The following PPP2R5A variants were observed in gnomAD, a reference collection of about 807,000 sequenced individuals.
The protein encoded by PPP2R5A is serine/threonine-protein phosphatase 2A 56 kDa regulatory subunit alpha isoform.
A neutral mutation model predicts 64.2 loss-of-function variants in PPP2R5A; 25 were observed. The ratio of observed to expected loss-of-function variants is 0.39; its 90% CI spans 0.28 to 0.54. The LOEUF is 0.54. PPP2R5A is among the 20% of genes least tolerant of loss of function. The pLI is 0.67. For missense variants in PPP2R5A, 425 were observed against 576.3 expected (o/e 0.74, Z 2.69); for synonymous variants, 198 against 201.2 (o/e 0.98, Z 0.13).
intron 1 of PPP2R5A, among the ~76,000 whole-genome samples, chr1:212,327,027 T>C (rs12140158): frequency 0.15 from 23,493 of 152,202 alleles, 2,510 homozygotes; most frequent in East Asian, 0.37. Flanking sequence ...TCAGCTTTTT[T>C]AAGGACAGCA....
chr1:212,358,829 TGTTA>T (rs1660030424), intron 12 of PPP2R5A, 42 bp downstream of exon 12: 2 of 1,503,868 alleles, frequency 1.3e-6, no homozygotes, highest in Non-Finnish European at 1.8e-6. Context: ...ATACATTTTA[TGTTA>T]GTTGAATGTG....
intron 1 of PPP2R5A, among the ~76,000 whole-genome samples, chr1:212,305,786 A>G (rs939075063): frequency 2.0e-5 from 3 of 152,124 alleles, no homozygotes; most frequent in African/African-American, 4.8e-5. Context: ...TGACCCTTCT[A>G]TCATTACAAA....
rs1032923794 is a variant in PPP2R5A at position 212,305,552 on chromosome 1, C to T, written c.181+19261C>T. 6.6e-5 allele frequency among the ~76,000 whole-genome samples: 10 copies of T among 152,062 alleles called. No individual in the cohort carries two copies. The Middle Eastern group carries it at 0.01, about 155-fold the overall frequency. On this transcript the variant is annotated intron_variant, in intron 1 of 12. Transcript: ENST00000261461. The stretch of plus-strand genomic sequence containing the variant: ...AAATTCTGTAGTGTTCCATAGACAC[C>T]TCTTAGGTGTGGTTGGTTTATGTGT...
chr1:212,331,184 AAG>A (rs1659498398), intron 2 of PPP2R5A, among the ~76,000 whole-genome samples: 4 of 150,724 alleles, frequency 2.7e-5, no homozygotes, highest in South Asian at 2.1e-4. Context: ...AAAAAAAAAA[AAG>A]AGAGTGTCTC....
chr1:212,306,111 C>T (rs1050640835), intron 1 of PPP2R5A, among the ~76,000 whole-genome samples: 17 of 152,068 alleles, frequency 1.1e-4, no homozygotes, highest in East Asian at 1.9e-4. Flanking sequence ...CCCCATTGGC[C>T]GGGGTCGGGT....
intron 1 of PPP2R5A, among the ~76,000 whole-genome samples, chr1:212,325,077 A>G (rs1371673588): frequency 6.6e-6 from 1 of 152,156 alleles, no homozygotes; most frequent in Non-Finnish European, 1.5e-5. Context: ...TTAACTCCTT[A>G]TATACCCTAC....
chr1:212,352,088 A>T (rs1208204369), intron 8 of PPP2R5A, among the ~76,000 whole-genome samples: 5 of 151,728 alleles, frequency 3.3e-5, no homozygotes, highest in African/African-American at 1.2e-4. Flanking sequence ...CAGTGGCACC[A>T]TCTCGGCTCA....
In PPP2R5A at chr1:212,341,575, TTTAA is replaced by T. The variant is rs1659685173; in HGVS notation, c.481-608_481-605del. ...GTATGGATTACAAAATAGGAATATA[TTTAA>T]TTAAGAAATATTTAATTTTATAGGC... is the stretch of plus-strand genomic sequence containing the variant. On this transcript the variant is annotated intron_variant, in intron 3 of 12. Transcript: ENST00000261461. Among the ~76,000 whole-genome samples the T allele has an allele frequency of 3.3e-5, 5 of 152,302 alleles. No homozygotes were observed. The South Asian group carries it at 1.0e-3, about 32-fold the overall frequency.
At chr1:212,306,945 A>G (rs1658926100) in intron 1 of PPP2R5A, 1 of 152,034 alleles carries the variant, frequency 6.6e-6, no homozygotes, top group Non-Finnish European at 1.5e-5. Context: ...AGTTTTTAGT[A>G]GAGACAGGGT....
Position 212,333,527 on chromosome 1 carries a change from C to T in PPP2R5A, c.409C>T (p.Pro137Ser). 1 of 1,600,638 alleles carries T rather than the reference C, an allele frequency of 6.2e-7. No individual in the cohort carries two copies. Reference sequence around the variant, plus strand: ...TGCTAACATCTTCCGTACACTTCCTCCAAGTGATAATCCAGATTTTGATCC... The same window carrying T: ...TGCTAACATCTTCCGTACACTTCCTTCAAGTGATAATCCAGATTTTGATCC... Reference protein sequence around the residue: ...ISANIFRTLPPSDNPDFDPEE... With the variant: ...ISANIFRTLPSSDNPDFDPEE... Residue 137 changes from proline to serine, a missense_variant, in exon 3 of 13, where the codon CCA becomes TCA. Pro to Ser is a moderately conservative substitution (Grantham distance 74, BLOSUM62 -1). This residue lies in a region of PPP2R5A where 140 missense variants were observed against 204.4 expected (regional missense o/e 0.68). Coordinates refer to ENST00000261461, the MANE Select transcript of PPP2R5A (RefSeq NM_006243.4).
intron 1 of PPP2R5A, among the ~76,000 whole-genome samples, chr1:212,313,537 G>A (rs1362161869): frequency 2.0e-5 from 3 of 151,324 alleles, no homozygotes; most frequent in Admixed American, 6.6e-5. Context: ...TGTACATTCT[G>A]TATACCAATT....
At chr1:212,348,783 A>G (rs1659827367) in intron 7 of PPP2R5A, among the ~76,000 whole-genome samples, 1 of 152,194 alleles carries the variant, frequency 6.6e-6, no homozygotes, top group Non-Finnish European at 1.5e-5. Context: ...ACATATCTAC[A>G]GAATGTTTCT....
chr1:212,286,872 C>T (rs1658514073), intron 1 of PPP2R5A, among the ~76,000 whole-genome samples: 1 of 152,148 alleles, frequency 6.6e-6, no homozygotes, highest in Non-Finnish European at 1.5e-5. Context: ...AAAGAAAAAG[C>T]CTAAAATTTG....
chr1:212,332,227 A>C (rs1222543581), intron 2 of PPP2R5A, among the ~76,000 whole-genome samples: 1 of 152,220 alleles, frequency 6.6e-6, no homozygotes, highest in Non-Finnish European at 1.5e-5. Flanking sequence ...TAACGGTTAC[A>C]GTAATTGACT....
At chr1:212,339,668 G>C (rs963682284) in intron 3 of PPP2R5A, among the ~76,000 whole-genome samples, 15 of 152,022 alleles carry the variant, frequency 9.9e-5, no homozygotes, top group Non-Finnish European at 1.9e-4. Context: ...TTATATATAT[G>C]GTTCAATTAT....
At chr1:212,326,368 C>T (rs944494473) in intron 1 of PPP2R5A, among the ~76,000 whole-genome samples, 5 of 151,446 alleles carry the variant, frequency 3.3e-5, no homozygotes, top group Admixed American at 2.6e-4. Context: ...CCGAGGCAGG[C>T]GGATCATTTG....
intron 7 of PPP2R5A, among the ~76,000 whole-genome samples, chr1:212,348,705 T>G (rs1010471244): frequency 2.0e-5 from 3 of 152,224 alleles, no homozygotes; most frequent in Non-Finnish European, 4.4e-5. Flanking sequence ...ACTTACAGTT[T>G]AAGATACACA....
chr1:212,324,070 TC>T lies in PPP2R5A; in HGVS notation c.182-5064del, dbSNP rs1659363893. ...CTGGGCGACAGAACAAGACTCCATCTCAAAAAAAAAAAAAATGTGTAACATG... is the reference window on the plus strand; with the variant it reads ...CTGGGCGACAGAACAAGACTCCATCTAAAAAAAAAAAAAATGTGTAACATG... On this transcript the variant is annotated intron_variant, in intron 1 of 12. Transcript: ENST00000261461. 2.0e-5 allele frequency among the ~76,000 whole-genome samples: 3 copies of T among 147,720 alleles called. 1 individual carries two copies. The South Asian group carries it at 6.4e-4, about 31-fold the overall frequency.
chr1:212,347,353 A>T lies in PPP2R5A; in HGVS notation c.711A>T (p.Ile237=). Residue 237 remains isoleucine (I), a synonymous_variant, in exon 6 of 13, where the codon ATA becomes ATT. Transcript: ENST00000261461. ...KQINNIFLRF[I]YETEHFNGVA... ...GTCTTTATTTTAAATTCAGGTTTAT[A>T]TATGAAACAGAACATTTCAATGGTG... 1 of 1,576,948 alleles carries T rather than the reference A, an allele frequency of 6.3e-7. No homozygotes were observed. The highest frequency in any genetic ancestry group is 8.7e-7 in the Non-Finnish European group (1 of 1,150,160).
Sources: gnomAD v4.1 joint callset for allele counts (sites outside exome capture counted in the v4.1 genomes callset) on GRCh38, gnomAD v4.1.1 for gene constraint, gnomAD v4.1.1 regional missense constraint, MANE v1.5 for transcripts, NCBI Gene and HGNC (gene_info 2026-07-23, HGNC 2026-07-21) for gene names.